Variants in NCF2 observed in about 807,000 individuals in gnomAD.
NCF2 encodes neutrophil cytosolic factor 2.
A neutral mutation model predicts 70.9 loss-of-function variants in NCF2; 45 were observed. The ratio of observed to expected loss-of-function variants is 0.63; its 90% CI spans 0.50 to 0.81. The LOEUF (loss-of-function observed/expected upper bound fraction) is 0.81. NCF2 is among the 40% of genes least tolerant of loss of function. The pLI, the probability that NCF2 is intolerant of heterozygous loss-of-function variation, is 0.00. For missense variants in NCF2, 522 were observed against 631.6 expected (o/e 0.83, Z 1.86); for synonymous variants, 203 against 233.6 (o/e 0.87, Z 1.19).
In NCF2 at chr1:183,565,685, T is replaced by C; in HGVS notation, c.1000+19A>G. 1 of 1,611,102 alleles carries C rather than the reference T, an allele frequency of 6.2e-7. No homozygotes were observed. The highest frequency in any genetic ancestry group is 8.5e-7 in the Non-Finnish European group (1 of 1,178,920). ...TGCTGCTGCACCCAGACCTAGGCTG[T>C]GGCTCCAGGACCACTCACCTGGTGA... On this transcript the variant is annotated intron_variant, in intron 10 of 14. Coordinates refer to ENST00000367535, the MANE Select transcript of NCF2 (RefSeq NM_000433.4).
rs189540801 is a variant in NCF2, at chr1:183,574,638, C to A, written c.367-17G>T. On this transcript the variant is annotated splice_polypyrimidine_tract_variant and intron_variant, in intron 3 of 14. Coordinates refer to ENST00000367535, the MANE Select transcript of NCF2 (RefSeq NM_000433.4). ...ATATAACACCTAGAAAAGTACAGAC[C>A]GCAACATAAAACTTGAGACTACTCC... 2 of 1,613,924 alleles carry A rather than the reference C, an allele frequency of 1.2e-6. No individual in the cohort carries two copies. Among genetic ancestry groups the A allele is most frequent in the Non-Finnish European group, 8.5e-7 (1 of 1,179,916 alleles).
intron 14 of NCF2, 56 bp downstream of exon 14, chr1:183,560,040 G>T: frequency 6.4e-7 from 1 of 1,553,450 alleles, no homozygotes; most frequent in South Asian, 1.1e-5. Flanking sequence ...CTCTGCCCTT[G>T]ACCTTGTTTC....
the NCF2 span, among the ~76,000 whole-genome samples, chr1:183,596,140 G>A: frequency 6.6e-6 from 1 of 151,716 alleles, no homozygotes; most frequent in Non-Finnish European, 1.5e-5. Context: ...TTTTTCCACT[G>A]TATCTTTTGT....
At chr1:183,586,266 G>A (rs766743909) in intron 2 of NCF2, among the ~76,000 whole-genome samples, 13 of 152,278 alleles carry the variant, frequency 8.5e-5, no homozygotes, top group East Asian at 1.9e-4. Context: ...CCTGGGAGGC[G>A]GAGGCTGCGG....
intron 8 of NCF2, 23 bp downstream of exon 8, chr1:183,567,181 C>T (rs773016794): frequency 1.7e-5 from 27 of 1,614,018 alleles, no homozygotes; most frequent in Non-Finnish European, 2.2e-5. Flanking sequence ...GCCCATCGCA[C>T]CAGCCCCTGA....
chr1:183,582,570 C>T (rs987574420), intron 2 of NCF2, among the ~76,000 whole-genome samples: 42 of 152,382 alleles, frequency 2.8e-4, no homozygotes, highest in African/African-American at 8.2e-4. Context: ...ACAGCTCATA[C>T]ACCTGCACCC....
the NCF2 span, chr1:183,597,698 A>G: frequency 2.0e-5 from 3 of 152,220 alleles, no homozygotes; most frequent in Non-Finnish European, 2.9e-5. Flanking sequence ...ACCACTTATA[A>G]GTGAGAACAT....
rs377591562 is a variant in NCF2, at chr1:183,563,243, C to A, written c.1242G>T (p.Trp414Cys). The A allele has an allele frequency of 5.5e-5, 89 of 1,614,044 alleles. No homozygotes were observed. Among genetic ancestry groups the A allele is most frequent in the Non-Finnish European group, 7.5e-5 (89 of 1,180,044 alleles). The change falls in exon 13 of 15, where the codon TGG becomes TGT. Residue 414 changes from tryptophan to cysteine, a missense_variant. Coordinates refer to ENST00000367535, the MANE Select transcript of NCF2 (RefSeq NM_000433.4). ...PLSEDSMKDA[W>C]GQVKNYCLTL... ...TCAGGCAGTAGTTTTTCACCTGGCC[C>A]CAGGCATCCTTCATGCTGTCTTCTG...
chr1:183,577,097 T>C (rs1672831380), intron 3 of NCF2, among the ~76,000 whole-genome samples: 1 of 152,228 alleles, frequency 6.6e-6, no homozygotes, highest in Non-Finnish European at 1.5e-5. Flanking sequence ...AGTCTCTCTT[T>C]AGGTATCAAT....
At chr1:183,588,270 T>G (rs551560475) in intron 1 of NCF2, among the ~76,000 whole-genome samples, 94 of 152,108 alleles carry the variant, frequency 6.2e-4, no homozygotes, top group Non-Finnish European at 1.1e-3. Context: ...TATTGCTCTG[T>G]GGAAGATAAA....
the NCF2 span, among the ~76,000 whole-genome samples, chr1:183,599,452 T>TTCTTTC: frequency 1.4e-4 from 19 of 133,568 alleles, no homozygotes; most frequent in African/African-American, 5.0e-4. Flanking sequence ...CTTTCTTTCT[T>TTCTTTC]TCTTTCTTTC....
chr1:183,559,807 C>T (rs112362245), intron 14 of NCF2, among the ~76,000 whole-genome samples: 17 of 152,158 alleles, frequency 1.1e-4, no homozygotes, highest in African/African-American at 3.4e-4. Context: ...TGCAGTGAGC[C>T]GAGATTGTGC....
At chr1:183,562,523 A>G (rs552612155) in intron 13 of NCF2, among the ~76,000 whole-genome samples, 1 of 152,100 alleles carries the variant, frequency 6.6e-6, no homozygotes, top group East Asian at 1.9e-4. Context: ...AGCTTTATAC[A>G]CTGCCCTTTT....
At chr1:183,565,033 G>A (rs1558093408) in intron 10 of NCF2, among the ~76,000 whole-genome samples, 1 of 152,194 alleles carries the variant, frequency 6.6e-6, no homozygotes, top group African/African-American at 2.4e-5. Flanking sequence ...GTATTCTACT[G>A]TCAGCTTTTC....
intron 2 of NCF2, among the ~76,000 whole-genome samples, chr1:183,580,296 T>C (rs1673001569): frequency 6.6e-6 from 1 of 152,216 alleles, no homozygotes; most frequent in Non-Finnish European, 1.5e-5. Context: ...TCATGTCTTT[T>C]CCACGCATCT....
intron 3 of NCF2, among the ~76,000 whole-genome samples, chr1:183,576,219 C>A (rs903346185): frequency 1.6e-4 from 24 of 152,068 alleles, no homozygotes; most frequent in African/African-American, 5.6e-4. Flanking sequence ...GGCCTTAGAC[C>A]CTGAAAAGTT....
At chr1:183,575,581 T>TA (rs1672766990) in intron 3 of NCF2, among the ~76,000 whole-genome samples, 1 of 152,200 alleles carries the variant, frequency 6.6e-6, no homozygotes, top group South Asian at 2.1e-4. Context: ...TACCAAGATC[T>TA]AAAAAATGGC....
the NCF2 span, chr1:183,598,309 T>C: frequency 6.6e-6 from 1 of 151,956 alleles, no homozygotes; most frequent in South Asian, 2.1e-4. Context: ...AAGTGAAAAA[T>C]AGATGTAAGC....
In NCF2 at chr1:183,566,968, G is replaced by C. The variant is rs757931282; in HGVS notation, c.876C>G (p.Asn292Lys). 1 of 1,614,206 alleles carries C rather than the reference G, an allele frequency of 6.2e-7. No individual in the cohort carries two copies. Among genetic ancestry groups the C allele is most frequent in the Non-Finnish European group, 8.5e-7 (1 of 1,180,034 alleles). The change falls in exon 9 of 15, where the codon AAC (asparagine) becomes AAG (lysine). Residue 292 changes from asparagine (N) to lysine (K), a missense_variant. Asn to Lys is a moderately conservative substitution (Grantham distance 94). Coordinates refer to ENST00000367535, the MANE Select transcript of NCF2 (RefSeq NM_000433.4). ...FNGQKGLVPC[N>K]YLEPVELRIH... Reference sequence around the variant, plus strand: ...TCCGCAGCTCAACTGGTTCAAGGTAGTTGCAGGGAACAAGCCCCTTCTGCA... The same window carrying C: ...TCCGCAGCTCAACTGGTTCAAGGTACTTGCAGGGAACAAGCCCCTTCTGCA...
Sources: allele counts gnomAD v4.1 joint callset (sites outside exome capture counted in the v4.1 genomes callset), GRCh38; gene constraint gnomAD v4.1.1; transcripts MANE v1.5; gene names NCBI Gene and HGNC (gene_info 2026-07-23, HGNC 2026-07-21).